The following AFF1 variants were observed in gnomAD, a reference collection of about 807,000 sequenced individuals.
The protein encoded by AFF1 is ALF transcription elongation factor 1.
In AFF1, 48 loss-of-function variants were observed where a neutral mutation model predicts 121.7. That is an observed-to-expected ratio of 0.39 (90% confidence interval 0.31 to 0.50). AFF1 has a LOEUF of 0.50. Ranked by LOEUF, AFF1 falls within the 20% of genes least tolerant of loss-of-function variation. AFF1 has a pLI of 0.76. For missense variants in AFF1, 1,523 were observed against 1,511.7 expected, an observed-to-expected ratio of 1.01 and a Z score of -0.12; for synonymous variants, 613 against 563.0, an observed-to-expected ratio of 1.09 and a Z score of -1.26.
At chr4:86,982,151 T>C (rs945583212) in intron 2 of AFF1, among the ~76,000 whole-genome samples, 12 of 152,196 alleles carry the variant, frequency 7.9e-5, no homozygotes, top group Non-Finnish European at 1.5e-4. Flanking sequence ...AGGAAAGTCA[T>C]TGTGAGGAAA....
chr4:87,019,748 G>A (rs188896916), intron 2 of AFF1, among the ~76,000 whole-genome samples: 108 of 152,268 alleles, frequency 7.1e-4, no homozygotes, highest in African/African-American at 2.2e-3. Flanking sequence ...ACAATAAACC[G>A]TTAAACGTTA....
At chr4:87,026,221 G>T (rs1578094481) in intron 2 of AFF1, among the ~76,000 whole-genome samples, 1 of 152,104 alleles carries the variant, frequency 6.6e-6, no homozygotes. Flanking sequence ...AAATAAATAG[G>T]TAAATAAATA....
chr4:87,048,548 T>C (rs1380438668), intron 4 of AFF1, among the ~76,000 whole-genome samples: 1 of 152,222 alleles, frequency 6.6e-6, no homozygotes, highest in African/African-American at 2.4e-5. Context: ...ACATTCTAAT[T>C]TGCATCTCCA....
intron 4 of AFF1, among the ~76,000 whole-genome samples, chr4:87,048,223 A>G (rs2149618445): frequency 6.6e-6 from 1 of 152,346 alleles, no homozygotes; most frequent in Non-Finnish European, 1.5e-5. Context: ...AAGAGTGGGT[A>G]TACGGTGACA....
At chr4:86,972,071 G>A (rs1183351132) in intron 2 of AFF1, among the ~76,000 whole-genome samples, 4 of 147,234 alleles carry the variant, frequency 2.7e-5, no homozygotes, top group Non-Finnish European at 5.9e-5. Context: ...CCAGGAGGTC[G>A]AGGCTCCTGT....
intron 2 of AFF1, among the ~76,000 whole-genome samples, chr4:87,040,663 A>G (rs1388633764): frequency 6.6e-6 from 1 of 150,966 alleles, no homozygotes; most frequent in Non-Finnish European, 1.5e-5. Context: ...TCTGCCTTCC[A>G]GGTTCAAACA....
chr4:86,997,019 C>A (rs774544784), intron 2 of AFF1, among the ~76,000 whole-genome samples: 37 of 152,206 alleles, frequency 2.4e-4, no homozygotes, highest in Non-Finnish European at 3.8e-4. Context: ...TCAAGTGATT[C>A]TCCTGCCTCA....
Position 87,139,333 on chromosome 4 carries a change from G to T in AFF1, c.*3632G>T. On this transcript the variant is annotated 3_prime_UTR_variant, in exon 21 of 21. Transcript: ENST00000395146. ...GTTGAGGCTTGAGGCTGGGCTTTCG[G>T]GTTTTTTTGTTTTTTGTTTTGTTTT... is the stretch of plus-strand genomic sequence containing the variant. 1 of 232,832 alleles carries T rather than the reference G, an allele frequency of 4.3e-6. No individual in the cohort carries two copies. The highest frequency in any genetic ancestry group is 8.5e-6 in the Non-Finnish European group (1 of 117,828). The allele number at this position is 232,832 out of a possible 1,614,324, so 14.4% of individuals were successfully genotyped here. A position where few individuals can be genotyped will look rare whatever the true frequency, so the allele number is the denominator to read the frequency against.
In AFF1 at chr4:87,115,625, T is replaced by TTTTTC. The variant is rs397994396; in HGVS notation, c.2466+326_2466+327insTTTTC. Among the ~76,000 whole-genome samples the TTTTTC allele has an allele frequency of 2.7e-4, 28 of 103,036 alleles. 1 individual carries two copies. The highest frequency in any genetic ancestry group is 1.6e-3 in the Admixed American group (11 of 6,954). 67.6% of individuals were successfully genotyped at this position (103,036 alleles called of 152,430 possible). ...AACCCACCTCTTTTTTTTTTTTTTT[T>TTTTTC]CCAAAGACAGGCCCTTGCTCTGTTG... On this transcript the variant is annotated intron_variant, in intron 12 of 20. Coordinates refer to ENST00000395146, the MANE Select transcript of AFF1 (RefSeq NM_001166693.3).
At chr4:87,023,070 C>T (rs952358684) in intron 2 of AFF1, among the ~76,000 whole-genome samples, 1 of 151,806 alleles carries the variant, frequency 6.6e-6, no homozygotes. Flanking sequence ...CCATGCCCAG[C>T]TAATTTTTAA....
At position 87,137,542 on chromosome 4, in the gene AFF1, G is replaced by A. The variant is rs180944871; in HGVS notation, c.*1841G>A. 9.1e-5 allele frequency: 21 copies of A among 230,950 alleles called. No homozygotes were observed. Among genetic ancestry groups the A allele is most frequent in the Admixed American group, 4.5e-4 (8 of 17,736 alleles). The allele number at this position is 230,950 out of a possible 1,614,324, so 14.3% of individuals were successfully genotyped here. A position where few individuals can be genotyped will look rare whatever the true frequency, so the allele number is the denominator to read the frequency against. On this transcript the variant is annotated 3_prime_UTR_variant, in exon 21 of 21. Transcript: ENST00000395146. ...TTTAGGTGAAAGCCAGAGAATGACA[G>A]CTGTAGTCATATCTGAGCATAAGAC...
intron 2 of AFF1, among the ~76,000 whole-genome samples, chr4:86,951,102 C>A (rs1008699536): frequency 6.6e-6 from 1 of 152,196 alleles, no homozygotes; most frequent in African/African-American, 2.4e-5. Flanking sequence ...TAACAATCTT[C>A]TATCTTCTCA....
At chr4:87,022,543 G>GATATATATATATATATATATAT (rs1156817444) in intron 2 of AFF1, among the ~76,000 whole-genome samples, 2 of 80,170 alleles carry the variant, frequency 2.5e-5, no homozygotes, top group African/African-American at 4.2e-5. Flanking sequence ...CGTGCTTACA[G>GATATATATATATATATATATAT]ATATATATAT....
intron 1 of AFF1, among the ~76,000 whole-genome samples, chr4:86,938,548 A>G (rs1720220493): frequency 6.6e-6 from 1 of 152,150 alleles, no homozygotes; most frequent in African/African-American, 2.4e-5. Context: ...TAAATTCAAC[A>G]ATGGTTTCTG....
intron 4 of AFF1, among the ~76,000 whole-genome samples, chr4:87,063,594 T>C (rs1721033609): frequency 6.6e-6 from 1 of 152,104 alleles, no homozygotes; most frequent in Non-Finnish European, 1.5e-5. Context: ...TTTAATAGTT[T>C]TGAATATTAT....
rs376635201 is a variant in AFF1 at position 87,114,747 on chromosome 4, C to A, written c.1914C>A (p.Pro638=). Residue 638 remains proline, a synonymous_variant, in exon 12 of 21, where the codon CCC becomes CCA. Coordinates refer to ENST00000395146, the MANE Select transcript of AFF1 (RefSeq NM_001166693.3). ...LQGEREPGLL[P]YGSRDQTSKD... ...GGGAAAGGGAGCCAGGGCTTCTTCC[C>A]TATGGCTCCCGAGACCAGACTTCCA... 1 of 1,613,666 alleles carries A rather than the reference C, an allele frequency of 6.2e-7. No individual in the cohort carries two copies. The highest frequency in any genetic ancestry group is 8.5e-7 in the Non-Finnish European group (1 of 1,179,912).
At chr4:87,022,543 GATATATATATATATATATATATAT>G (rs1156817444) in intron 2 of AFF1, among the ~76,000 whole-genome samples, 38 of 80,188 alleles carry the variant, frequency 4.7e-4, no homozygotes, top group Admixed American at 9.2e-4. Context: ...CGTGCTTACA[GATATATATATATATATATATATAT>G]ATATATATAT....
intron 2 of AFF1, among the ~76,000 whole-genome samples, chr4:87,008,492 G>A (rs548740000): frequency 6.6e-6 from 1 of 152,244 alleles, no homozygotes; most frequent in African/African-American, 2.4e-5. Flanking sequence ...CAACACAGTG[G>A]TTTATCCTCT....
chr4:86,956,423 G>A (rs71605694), intron 2 of AFF1, among the ~76,000 whole-genome samples: 7 of 152,158 alleles, frequency 4.6e-5, no homozygotes, highest in Non-Finnish European at 1.0e-4. Context: ...TCTACAAGTG[G>A]CATAGTCATC....
Sources: gnomAD v4.1 joint callset for allele counts (sites outside exome capture counted in the v4.1 genomes callset) on GRCh38, gnomAD v4.1.1 for gene constraint, MANE v1.5 for transcripts, NCBI Gene and HGNC (gene_info 2026-07-23, HGNC 2026-07-21) for gene names.